Variants in CDH12 observed in about 807,000 individuals in gnomAD.
CDH12 encodes cadherin-12.
In CDH12, 41 loss-of-function variants were observed where a neutral mutation model predicts 74.1. The ratio of observed to expected loss-of-function variants is 0.55; its 90% CI spans 0.43 to 0.72. CDH12 has a LOEUF of 0.72. Among genes scored for constraint, CDH12 ranks in the 30% least tolerant of loss-of-function variants. The pLI is 0.00. For synonymous variants in CDH12, 399 were observed against 355.0 expected (o/e 1.12, Z -1.39); for missense variants, 945 against 977.2 (o/e 0.97, Z 0.44).
At chr5:22,285,753 CT>C (rs1369681006) in intron 3 of CDH12, among the ~76,000 whole-genome samples, 1 of 151,960 alleles carries the variant, frequency 6.6e-6, no homozygotes, top group Non-Finnish European at 1.5e-5. Context: ...GTTTTATTTT[CT>C]TTTATTATAT....
chr5:22,263,440 T>A (rs572502162), intron 3 of CDH12, among the ~76,000 whole-genome samples: 2 of 152,268 alleles, frequency 1.3e-5, no homozygotes, highest in East Asian at 3.9e-4. Context: ...AAGCCATTCA[T>A]ATAGAAAGCT....
intron 1 of CDH12, among the ~76,000 whole-genome samples, chr5:22,619,650 C>T (rs1015373987): frequency 6.6e-6 from 1 of 151,704 alleles, no homozygotes; most frequent in Non-Finnish European, 1.5e-5. Flanking sequence ...CTCATGAAAA[C>T]CTGAGCTCCC....
intron 5 of CDH12, among the ~76,000 whole-genome samples, chr5:22,004,331 C>T (rs2150146654): frequency 6.6e-6 from 1 of 152,306 alleles, no homozygotes; most frequent in African/African-American, 2.4e-5. Context: ...CTGAACCCCA[C>T]TGGAGAAATG....
chr5:22,805,261 A>G (rs1748723268), intron 1 of CDH12, among the ~76,000 whole-genome samples: 1 of 152,136 alleles, frequency 6.6e-6, no homozygotes, highest in Admixed American at 6.6e-5. Context: ...CTTATGTAAT[A>G]AAATACTATG....
chr5:22,068,652 G>A (rs1741731679), intron 5 of CDH12, among the ~76,000 whole-genome samples: 1 of 152,180 alleles, frequency 6.6e-6, no homozygotes. Context: ...TAGGGATGGA[G>A]CCCTCAGAAT....
chr5:22,507,596 T>C (rs2126666351), intron 1 of CDH12, among the ~76,000 whole-genome samples: 1 of 152,294 alleles, frequency 6.6e-6, no homozygotes, highest in African/African-American at 2.4e-5. Flanking sequence ...AACAAAATCT[T>C]TAGGTTTAAA....
chr5:21,917,477 T>C (rs909998274), intron 6 of CDH12, among the ~76,000 whole-genome samples: 5 of 152,216 alleles, frequency 3.3e-5, no homozygotes, highest in African/African-American at 1.2e-4. Flanking sequence ...TTTCAAGATG[T>C]TTCTGTTACA....
intron 6 of CDH12, among the ~76,000 whole-genome samples, chr5:21,869,258 T>C (rs2150016841): frequency 6.6e-6 from 1 of 152,260 alleles, no homozygotes; most frequent in Admixed American, 6.5e-5. Flanking sequence ...AGTTTTATCA[T>C]GCCCTATGAT....
chr5:22,598,687 T>A lies in CDH12; in HGVS notation c.-522-93323A>T, dbSNP rs1487390457. On this transcript the variant is annotated intron_variant, in intron 1 of 14. Coordinates refer to ENST00000382254, the MANE Select transcript of CDH12 (RefSeq NM_004061.5). ...AATCTACATTCTGTAAGAATTATAG[T>A]AAAGCCTCTTGTTTGTTTTACACTT... Among the ~76,000 whole-genome samples, 23 of 152,222 alleles carry A rather than the reference T, an allele frequency of 1.5e-4. 1 individual carries two copies. The highest frequency in any genetic ancestry group is 1.5e-3 in the Admixed American group (23 of 15,282).
intron 1 of CDH12, among the ~76,000 whole-genome samples, chr5:22,537,489 A>T (rs1374488891): frequency 6.6e-6 from 1 of 152,190 alleles, no homozygotes; most frequent in East Asian, 1.9e-4. Context: ...CCTCATGGCT[A>T]AGGTCAGCAT....
At chr5:21,889,442 T>TAC (rs1752796252) in intron 6 of CDH12, 1 of 311,306 alleles carries the variant, frequency 3.2e-6, no homozygotes, top group African/African-American at 2.3e-5. Flanking sequence ...AAAGCTGTAG[T>TAC]TGCCTGCACC....
At chr5:22,138,932 A>G (rs980588145) in intron 4 of CDH12, among the ~76,000 whole-genome samples, 12 of 143,956 alleles carry the variant, frequency 8.3e-5, no homozygotes, top group African/African-American at 2.0e-4. Context: ...AACAATGTCA[A>G]TTGCAAACTG....
At position 22,012,494 on chromosome 5, in the gene CDH12, AT is replaced by A. The variant is rs936595854; in HGVS notation, c.232-37110del. 1.4e-4 allele frequency among the ~76,000 whole-genome samples: 22 copies of A among 152,202 alleles called. No homozygotes were observed. The South Asian group carries it at 1.9e-3, about 13-fold the overall frequency. On this transcript the variant is annotated intron_variant, in intron 5 of 14. Transcript: ENST00000382254. The stretch of plus-strand genomic sequence containing the variant: ...TTTCTTCTATTTTTAAGAGTGTAAA[AT>A]TTGTCTTTCAGTTGACAGTGAGTTA...
At chr5:22,036,649 A>G (rs144081318) in intron 5 of CDH12, among the ~76,000 whole-genome samples, 221 of 152,300 alleles carry the variant, frequency 1.5e-3, no homozygotes, top group Middle Eastern at 3.4e-3. Flanking sequence ...TGAAAATGTT[A>G]ATGAGACTTA....
chr5:22,339,742 C>T (rs1423964590), intron 3 of CDH12, among the ~76,000 whole-genome samples: 3 of 152,086 alleles, frequency 2.0e-5, no homozygotes, highest in Non-Finnish European at 4.4e-5. Context: ...ATTCACAAGC[C>T]TTTAGCAGGT....
chr5:22,349,322 T>C (rs1740257149), intron 3 of CDH12, among the ~76,000 whole-genome samples: 1 of 152,214 alleles, frequency 6.6e-6, no homozygotes, highest in South Asian at 2.1e-4. Context: ...GTTTGCAGGA[T>C]AAAAGCATGA....
At chr5:22,041,380 T>C (rs1739564945) in intron 5 of CDH12, among the ~76,000 whole-genome samples, 1 of 152,122 alleles carries the variant, frequency 6.6e-6, no homozygotes, top group South Asian at 2.1e-4. Context: ...GTAGAATGGA[T>C]AATTTAATTA....
chr5:22,778,827 C>T (rs982462130), intron 1 of CDH12, among the ~76,000 whole-genome samples: 5 of 151,808 alleles, frequency 3.3e-5, no homozygotes, highest in Middle Eastern at 3.5e-3. Flanking sequence ...CTTAAGAGTA[C>T]ATTCCTAAAT....
At chr5:21,865,141 TAAG>T (rs1751259444) in intron 6 of CDH12, among the ~76,000 whole-genome samples, 1 of 152,166 alleles carries the variant, frequency 6.6e-6, no homozygotes, top group Non-Finnish European at 1.5e-5. Context: ...AGCAATGACC[TAAG>T]ATACTCAGCA....
Sources: gnomAD v4.1 joint callset for allele counts (sites outside exome capture counted in the v4.1 genomes callset) on GRCh38, gnomAD v4.1.1 for gene constraint, MANE v1.5 for transcripts, NCBI Gene and HGNC (gene_info 2026-07-23, HGNC 2026-07-21) for gene names.